Variants in MEST observed in about 807,000 individuals in gnomAD.
The protein encoded by MEST is mesoderm specific transcript.
MEST carries 18 observed loss-of-function variants against 50.9 expected under a neutral mutation model. That is an observed-to-expected ratio of 0.35 (90% CI 0.24 to 0.52). The LOEUF is 0.52. MEST is among the 20% of genes least tolerant of loss of function. The pLI, the probability that MEST is intolerant of heterozygous loss-of-function variation, is 0.94. For missense variants in MEST, 282 were observed against 425.3 expected (o/e 0.66, Z 2.96); for synonymous variants, 130 against 154.1 (o/e 0.84, Z 1.16).
Position 130,500,930 on chromosome 7 carries a change from T to G in MEST, c.749+40T>G. The G allele has an allele frequency of 6.5e-7, 1 of 1,549,882 alleles. No individual in the cohort carries two copies. The highest frequency in any genetic ancestry group is 8.9e-7 in the Non-Finnish European group (1 of 1,128,362). On this transcript the variant is annotated intron_variant, in intron 9 of 11. Coordinates refer to ENST00000223215, the MANE Select transcript of MEST (RefSeq NM_002402.4). This position sits in a 1 kb window ranked among gnomAD's most constrained non-coding sequence, Gnocchi z 5.0. ...TTTGCTTTGGTTTCCAGAGACGTGT[T>G]TTTGTGGAGAGTGGGGATTGCTTGT... is the stretch of plus-strand genomic sequence containing the variant.
intron 9 of MEST, among the ~76,000 whole-genome samples, chr7:130,501,943 A>G (rs1163701077): frequency 1.3e-5 from 2 of 151,710 alleles, no homozygotes; most frequent in African/African-American, 2.4e-5. Flanking sequence ...AACTGAGATC[A>G]TGCCACTGCA....
At chr7:130,496,644 T>A (rs1799073990) in intron 2 of MEST, 1 of 165,522 alleles carries the variant, frequency 6.0e-6, no homozygotes, top group Non-Finnish European at 1.3e-5. Flanking sequence ...ATAGTTTTAT[T>A]ATGTTTTTGA....
intron 2 of MEST, chr7:130,496,845 T>A (rs1354393826): frequency 5.1e-6 from 1 of 196,096 alleles, no homozygotes; most frequent in East Asian, 1.3e-4. Context: ...CTGAAAAAAT[T>A]TGCATATTAC....
At chr7:130,499,454 G>C (rs1799193943) in intron 6 of MEST, among the ~76,000 whole-genome samples, 1 of 152,184 alleles carries the variant, frequency 6.6e-6, no homozygotes, top group African/African-American at 2.4e-5. Context: ...GAAATGCTAA[G>C]GGGAGTCAGA....
At chr7:130,502,819 A>C in intron 10 of MEST, 99 bp downstream of exon 10, 1 of 795,816 alleles carries the variant, frequency 1.3e-6, no homozygotes. Context: ...TTAGCAAATA[A>C]AAATATAAGA....
At position 130,492,539 on chromosome 7, in the gene MEST, G is replaced by A. The variant is rs973092147; in HGVS notation, c.26+200G>A. 10 of 400,330 alleles carry A rather than the reference G, an allele frequency of 2.5e-5. No homozygotes were observed. The highest frequency in any genetic ancestry group is 4.3e-5 in the Non-Finnish European group (10 of 231,036). The allele number at this position is 400,330 out of a possible 1,614,324, so 24.8% of individuals were successfully genotyped here. ...CTGCCCGCAATGGAATGTTCAGAAC[G>A]CGGGACCTCCTTGGGTTAGGATTTC... On this transcript the variant is annotated intron_variant, in intron 1 of 11. Coordinates refer to ENST00000223215, the MANE Select transcript of MEST (RefSeq NM_002402.4). The surrounding 1 kb of genome is among the most constrained non-coding windows in gnomAD (Gnocchi z 7.6).
intron 6 of MEST, chr7:130,498,800 CTA>C (rs1799167542): frequency 2.3e-6 from 1 of 426,814 alleles, no homozygotes; most frequent in Non-Finnish European, 4.3e-6. Context: ...CTAGTAACAG[CTA>C]TATCAGAAGG....
rs568752517 is a variant in MEST at position 130,501,008 on chromosome 7, G to T, written c.749+118G>T. On this transcript the variant is annotated intron_variant, in intron 9 of 11. Coordinates refer to ENST00000223215, the MANE Select transcript of MEST (RefSeq NM_002402.4). The stretch of plus-strand genomic sequence containing the variant: ...CACAGGAAGGCTGATGATGACCTAT[G>T]GGGCAAACCAAAAAGTCATGGTCTA... 19 of 754,662 alleles carry T rather than the reference G, an allele frequency of 2.5e-5. No homozygotes were observed. In the East Asian group the frequency reaches 4.8e-4, roughly 19 times the overall value. 46.7% of individuals were successfully genotyped at this position (754,662 alleles called of 1,614,324 possible).
chr7:130,498,660 G>A, intron 6 of MEST, 183 bp downstream of exon 6: 1 of 628,166 alleles, frequency 1.6e-6, no homozygotes, highest in Non-Finnish European at 2.8e-6. Context: ...CCCTTTCTCA[G>A]AATGTTTTAA....
intron 7 of MEST, 34 bp downstream of exon 7, chr7:130,499,949 G>A: frequency 1.3e-6 from 2 of 1,574,888 alleles, no homozygotes; most frequent in Non-Finnish European, 1.7e-6. Context: ...TTAGTTTTAG[G>A]ATTTGTACTG....
Position 130,492,842 on chromosome 7 carries a change from C to T in MEST, c.26+503C>T, listed in dbSNP as rs1165929556. ...CAGGATTCTTAGACTCCGCCGTTGC[C>T]GTGGCGCGATTTAGGATTTATAGAT... On this transcript the variant is annotated intron_variant, in intron 1 of 11. Coordinates refer to ENST00000223215, the MANE Select transcript of MEST (RefSeq NM_002402.4). The surrounding 1 kb of genome is among the most constrained non-coding windows in gnomAD (Gnocchi z 7.6). Among the ~76,000 whole-genome samples, 2 of 152,044 alleles carry T rather than the reference C, an allele frequency of 1.3e-5. No individual in the cohort carries two copies. The highest frequency in any genetic ancestry group is 6.5e-5 in the Admixed American group (1 of 15,278).
Position 130,502,638 on chromosome 7 carries a change from C to CTACAGG in MEST, c.750-1_750insGTACAG. ...TTCTGCACATGCTGACTTACCTGTCCTACAGTCTCTTACAGTACATCAATC... is the reference window on the plus strand; with the variant it reads ...TTCTGCACATGCTGACTTACCTGTCCTACAGGTACAGTCTCTTACAGTACATCAATC... On this transcript the variant is annotated splice_polypyrimidine_tract_variant and splice_region_variant and intron_variant, in intron 9 of 11. Transcript: ENST00000223215. 1 of 1,612,994 alleles carries CTACAGG rather than the reference C, an allele frequency of 6.2e-7. No homozygotes were observed. Among genetic ancestry groups the CTACAGG allele is most frequent in the Non-Finnish European group, 8.5e-7 (1 of 1,179,098 alleles).
chr7:130,500,026 C>A lies in MEST; in HGVS notation c.576+111C>A. The A allele has an allele frequency of 1.1e-6, 1 of 907,648 alleles. No individual in the cohort carries two copies. The highest frequency in any genetic ancestry group is 1.7e-6 in the Non-Finnish European group (1 of 592,848). The allele number at this position is 907,648 out of a possible 1,614,324, so 56.2% of individuals were successfully genotyped here. A position where few individuals can be genotyped will look rare whatever the true frequency, so the allele number is the denominator to read the frequency against. ...TAACTGGCAGTAGTTAAATCCTCTTCCTTGTGAATTTCTATTAATGAAGTT... is the reference window on the plus strand; with the variant it reads ...TAACTGGCAGTAGTTAAATCCTCTTACTTGTGAATTTCTATTAATGAAGTT... On this transcript the variant is annotated intron_variant, in intron 7 of 11. Transcript: ENST00000223215. This position sits in a 1 kb window ranked among gnomAD's most constrained non-coding sequence, Gnocchi z 5.0.
intron 10 of MEST, 57 bp from the exon 11 acceptor site, chr7:130,503,876 T>A: frequency 5.5e-6 from 7 of 1,273,908 alleles, no homozygotes; most frequent in Non-Finnish European, 7.9e-6. Context: ...AATTTTAGGG[T>A]GGGAGTAGAA....
At chr7:130,498,590 A>G (rs1799159962) in intron 6 of MEST, 113 bp downstream of exon 6, 2 of 983,158 alleles carry the variant, frequency 2.0e-6, no homozygotes, top group African/African-American at 1.6e-5. Context: ...TAATTAAACT[A>G]TGGGATCTCT....
At position 130,495,404 on chromosome 7, in the gene MEST, C is replaced by T. The variant is rs782057178; in HGVS notation, c.63C>T (p.Ala21=). 6.8e-5 allele frequency: 110 copies of T among 1,612,944 alleles called. No individual in the cohort carries two copies. The highest frequency in any genetic ancestry group is 8.1e-5 in the Non-Finnish European group (95 of 1,179,502). The change falls in exon 2 of 12, where the codon GCC becomes GCT. Residue 21 remains alanine, a synonymous_variant. Coordinates refer to ENST00000223215, the MANE Select transcript of MEST (RefSeq NM_002402.4). ...GGTGGGTCCAGGTGGGGCTGCTGGC[C>T]GTGCCCCTGCTTGCTGCGTACCTGC... ...REWWVQVGLL[A]VPLLAAYLHI...
chr7:130,493,611 G>C (rs782385016), intron 1 of MEST, among the ~76,000 whole-genome samples: 4 of 152,082 alleles, frequency 2.6e-5, no homozygotes, highest in Admixed American at 1.3e-4. Flanking sequence ...TATGTTGGTC[G>C]ATAGCCTCGT....
In MEST at chr7:130,500,357, A is replaced by T. The variant is rs1200722141; in HGVS notation, c.577-105A>T. ...AATGCCAAGTACCAAACCATTCAGT[A>T]GCAGGAGATTTGGCTAAAGATTTAG... On this transcript the variant is annotated intron_variant, in intron 7 of 11. Transcript: ENST00000223215. This position sits in a 1 kb window ranked among gnomAD's most constrained non-coding sequence, Gnocchi z 5.0. 18 of 943,236 alleles carry T rather than the reference A, an allele frequency of 1.9e-5. No individual in the cohort carries two copies. The African/African-American group carries it at 2.7e-4, about 14-fold the overall frequency. The allele number at this position is 943,236 out of a possible 1,614,324, so 58.4% of individuals were successfully genotyped here. A position where few individuals can be genotyped will look rare whatever the true frequency, so the allele number is the denominator to read the frequency against.
chr7:130,489,465 G>A (rs1798721088), upstream of MEST: 1 of 152,228 alleles, frequency 6.6e-6, no homozygotes, highest in South Asian at 2.1e-4. Context: ...CCCTGCGGAG[G>A]AAGCTCCTTT....
Sources: allele counts gnomAD v4.1 joint callset (sites outside exome capture counted in the v4.1 genomes callset), GRCh38; gene constraint gnomAD v4.1.1; non-coding constraint Gnocchi (gnomAD v3.1); transcripts MANE v1.5; gene names NCBI Gene and HGNC (gene_info 2026-07-23, HGNC 2026-07-21).